Variants in BDP1 observed in about 807,000 individuals in gnomAD.
BDP1 encodes the protein transcription factor TFIIIB component B'' homolog.
In BDP1, 169 loss-of-function variants were observed where a neutral mutation model predicts 266.6. The ratio of observed to expected loss-of-function variants is 0.63; its 90% CI spans 0.56 to 0.72. BDP1 has a LOEUF of 0.72. Ranked by LOEUF, BDP1 falls within the 30% of genes least tolerant of loss-of-function variation. BDP1 has a pLI of 0.00. For synonymous variants in BDP1, 1,090 were observed against 1,022.4 expected, an observed-to-expected ratio of 1.07 and a Z score of -1.26; for missense variants, 3,015 against 3,053.8, an observed-to-expected ratio of 0.99 and a Z score of 0.30.
chr5:71,468,029 A>AT (rs566135120), intron 6 of BDP1, among the ~76,000 whole-genome samples: 112 of 151,850 alleles, frequency 7.4e-4, no homozygotes, highest in African/African-American at 2.4e-3. Context: ...AAATTTTTTT[A>AT]TTTTTTGAGA....
chr5:71,471,675 A>G (rs1403650456), intron 7 of BDP1, among the ~76,000 whole-genome samples: 6 of 152,178 alleles, frequency 3.9e-5, no homozygotes, highest in Non-Finnish European at 8.8e-5. Context: ...GAAACTTTAT[A>G]CAAGTTTTCT....
chr5:71,461,882 T>C lies in BDP1; in HGVS notation c.555T>C (p.Thr185=), dbSNP rs1311966899. 6.2e-7 allele frequency: 1 copy of C among 1,601,982 alleles called. No homozygotes were observed. Among genetic ancestry groups the C allele is most frequent in the Middle Eastern group, 1.7e-4 (1 of 6,016 alleles). Residue 185 remains threonine, a synonymous_variant, in exon 3 of 39, where the codon ACT becomes ACC. Transcript: ENST00000358731. The part of the protein sequence containing the change: ...SQRPPDRSKM[T]MRDFIYYLPD... The stretch of plus-strand genomic sequence containing the variant: ...GGCCACCAGATCGTTCAAAAATGAC[T>C]ATGAGAGACTTCATATATTATCTAC...
Position 71,481,395 on chromosome 5 carries a change from A to G in BDP1, c.1015-2447A>G, listed in dbSNP as rs796431633. 4.8e-5 allele frequency among the ~76,000 whole-genome samples: 7 copies of G among 145,674 alleles called. No homozygotes were observed. In the East Asian group the frequency reaches 9.9e-4, roughly 21 times the overall value. On this transcript the variant is annotated intron_variant, in intron 7 of 38. Transcript: ENST00000358731. The stretch of plus-strand genomic sequence containing the variant: ...GCAAGATCCCATCTCTACAAAGAAA[A>G]AAAAAAAAAAAAAAAAAAAAGCCAG...
chr5:71,528,285 A>G (rs1278152185), intron 25 of BDP1, among the ~76,000 whole-genome samples: 1 of 152,144 alleles, frequency 6.6e-6, no homozygotes, highest in African/African-American at 2.4e-5. Context: ...TAATCATCCT[A>G]AGGGTTGTGA....
At chr5:71,519,355 A>C (rs1054760526) in intron 22 of BDP1, among the ~76,000 whole-genome samples, 11 of 152,202 alleles carry the variant, frequency 7.2e-5, no homozygotes, top group African/African-American at 2.2e-4. Flanking sequence ...TAATACAATA[A>C]ATGATTGTTA....
intron 16 of BDP1, among the ~76,000 whole-genome samples, chr5:71,505,684 C>G (rs1023336467): frequency 1.3e-5 from 2 of 152,170 alleles, no homozygotes; most frequent in African/African-American, 2.4e-5. Context: ...GCTATACTTT[C>G]TTACAGCTGT....
downstream of BDP1, among the ~76,000 whole-genome samples, chr5:71,570,169 C>A: frequency 6.6e-6 from 1 of 152,206 alleles, no homozygotes; most frequent in South Asian, 2.1e-4. Context: ...CATTAGCCTT[C>A]ACTCTGAAAA....
intron 20 of BDP1, among the ~76,000 whole-genome samples, chr5:71,515,648 A>G (rs1221906206): frequency 6.6e-6 from 1 of 152,188 alleles, no homozygotes; most frequent in East Asian, 1.9e-4. Context: ...ATAAGATAAA[A>G]TTTACCATTT....
At chr5:71,552,991 G>T in intron 34 of BDP1, 125 bp from the exon 35 acceptor site, 1 of 818,080 alleles carries the variant, frequency 1.2e-6, no homozygotes, top group Non-Finnish European at 1.9e-6. Context: ...GGTTTTATTG[G>T]AATTTTCATT....
At chr5:71,577,735 C>T in the BDP1 span, among the ~76,000 whole-genome samples, 544 of 152,074 alleles carry the variant, frequency 3.6e-3, 3 homozygotes, top group African/African-American at 0.012. Context: ...GCCTGGAGAG[C>T]GTCAACCCTT....
At chr5:71,465,865 G>A (rs1383432938) in intron 4 of BDP1, among the ~76,000 whole-genome samples, 1 of 151,872 alleles carries the variant, frequency 6.6e-6, no homozygotes, top group African/African-American at 2.4e-5. Context: ...TGGGTGACAG[G>A]GCGAAACTCC....
intron 35 of BDP1, 68 bp downstream of exon 35, chr5:71,553,388 T>G: frequency 1.2e-5 from 12 of 987,414 alleles, no homozygotes; most frequent in South Asian, 1.6e-5. Context: ...AACAGATCTG[T>G]TCCTATTTTT....
At chr5:71,556,969 T>A in intron 36 of BDP1, 44 bp downstream of exon 36, 2 of 1,109,762 alleles carry the variant, frequency 1.8e-6, no homozygotes, top group Non-Finnish European at 2.5e-6. Context: ...TGCTAAATAC[T>A]CCTGATTATT....
At chr5:71,480,111 A>ATTTTTTTTTTTT (rs879261553) in intron 7 of BDP1, among the ~76,000 whole-genome samples, 1 of 143,066 alleles carries the variant, frequency 7.0e-6, no homozygotes, top group Non-Finnish European at 1.5e-5. Flanking sequence ...TGCCTGGCTA[A>ATTTTTTTTTTTT]TTTTTTTTTT....
rs2150564516 is a variant in BDP1, at chr5:71,542,144, A to T, written c.6291A>T (p.Arg2097Ser). The T allele has an allele frequency of 1.2e-6, 2 of 1,609,854 alleles. No homozygotes were observed. Among genetic ancestry groups the T allele is most frequent in the East Asian group, 2.2e-5 (1 of 44,786 alleles). ...AAGTGACCAGTAATTTGAGAATAAG[A>T]AGTAGGCTTGCTAAGCCTAAACCAA... ...ISKVTSNLRI[R>S]SRLAKPKPNL... is the part of the protein sequence containing the mutation. Residue 2097 changes from arginine to serine, a missense_variant, in exon 30 of 39, where the codon AGA becomes AGT. Physicochemically the swap from Arg to Ser is moderately radical, Grantham distance 110. Transcript: ENST00000358731.
chr5:71,568,472 A>G (rs888785143), downstream of BDP1, among the ~76,000 whole-genome samples: 8 of 152,064 alleles, frequency 5.3e-5, no homozygotes, highest in African/African-American at 1.7e-4. Context: ...CCCTCTCCCC[A>G]CTGCCTTTGT....
At chr5:71,555,943 A>G (rs460322) in intron 35 of BDP1, among the ~76,000 whole-genome samples, 67,205 of 151,464 alleles carry the variant, frequency 0.44, 15,225 homozygotes, top group South Asian at 0.55. Context: ...ACTTAGATTA[A>G]CTTAGGGGAA....
chr5:71,570,276 A>G (rs1744223992), downstream of BDP1, among the ~76,000 whole-genome samples: 1 of 152,180 alleles, frequency 6.6e-6, no homozygotes. Flanking sequence ...TTGTTTCCCC[A>G]GTGCAAAGAC....
At chr5:71,486,654 A>G (rs1384005149) in intron 9 of BDP1, 27 bp downstream of exon 9, 2 of 1,484,460 alleles carry the variant, frequency 1.3e-6, no homozygotes, top group African/African-American at 2.9e-5. Context: ...GAAGTGTGAT[A>G]GTTTACTTAG....
Sources: allele counts gnomAD v4.1 joint callset (sites outside exome capture counted in the v4.1 genomes callset), GRCh38; gene constraint gnomAD v4.1.1; transcripts MANE v1.5; gene names NCBI Gene and HGNC (gene_info 2026-07-23, HGNC 2026-07-21).